Variants in DLC1 observed in about 807,000 individuals in gnomAD.
DLC1 encodes rho GTPase-activating protein 7.
In DLC1, 54 loss-of-function variants were observed where a neutral mutation model predicts 140.3. The observed-to-expected ratio is 0.38, with a 90% CI of 0.31 to 0.48. DLC1 has a LOEUF of 0.48. Among genes scored for constraint, DLC1 ranks in the 20% least tolerant of loss-of-function variants. The probability of loss-of-function intolerance (pLI) is 0.96; values close to 1 mark genes in which losing one functional copy is unlikely to be tolerated. For missense variants in DLC1, 2,536 were observed against 1,907.0 expected, an observed-to-expected ratio of 1.33 and a Z score of -6.14; for synonymous variants, 986 against 728.1, an observed-to-expected ratio of 1.35 and a Z score of -5.70.
rs546715268 is a variant in DLC1, at chr8:13,090,716, G to T, written c.3856-246C>A. On this transcript the variant is annotated intron_variant, in intron 14 of 17. Transcript: ENST00000276297. ...TCTTTGGAAAGTTAGAGTAGGGGGA[G>T]TGAATTACATTGGTCAAAGCAGGTT... Among the ~76,000 whole-genome samples the T allele has an allele frequency of 2.6e-5, 4 of 152,276 alleles. No homozygotes were observed. The South Asian group carries it at 8.3e-4, about 32-fold the overall frequency.
chr8:13,092,594 C>G lies in DLC1; in HGVS notation c.3740+18G>C. On this transcript the variant is annotated intron_variant, in intron 13 of 17. Coordinates refer to ENST00000276297, the MANE Select transcript of DLC1 (RefSeq NM_182643.3). ...TAGGCTGCCCCCTGTGTGCATGCAC[C>G]TCCCATGCAGCCCGTACCTGGGAGA... 6.2e-7 allele frequency: 1 copy of G among 1,612,072 alleles called. No individual in the cohort carries two copies. The highest frequency in any genetic ancestry group is 1.7e-5 in the Admixed American group (1 of 59,854).
At chr8:13,592,596 C>A (rs374538569) in intron 1 of DLC1, among the ~76,000 whole-genome samples, 1 of 151,984 alleles carries the variant, frequency 6.6e-6, no homozygotes, top group African/African-American at 2.4e-5. Flanking sequence ...GGTGACTGAG[C>A]AGCCATTTGT....
At chr8:13,427,760 G>T (rs2117377536) in intron 2 of DLC1, among the ~76,000 whole-genome samples, 1 of 152,296 alleles carries the variant, frequency 6.6e-6, no homozygotes, top group African/African-American at 2.4e-5. Context: ...AGGTCCTTGA[G>T]ATTAAAAAAT....
At chr8:13,411,047 G>T (rs556043984) in intron 2 of DLC1, among the ~76,000 whole-genome samples, 33 of 152,260 alleles carry the variant, frequency 2.2e-4, no homozygotes, top group African/African-American at 7.5e-4. Flanking sequence ...ATATTATCCA[G>T]CAGTCATACC....
intron 5 of DLC1, among the ~76,000 whole-genome samples, chr8:13,222,647 C>T (rs905266526): frequency 6.6e-6 from 1 of 152,164 alleles, no homozygotes; most frequent in Non-Finnish European, 1.5e-5. Context: ...TGCTTATTTT[C>T]ATGTGATACT....
chr8:13,154,586 C>T (rs1044704113), intron 5 of DLC1, among the ~76,000 whole-genome samples: 2 of 152,206 alleles, frequency 1.3e-5, no homozygotes, highest in African/African-American at 2.4e-5. Flanking sequence ...TCTCCCTCCA[C>T]ACCTCCCGGC....
intron 5 of DLC1, among the ~76,000 whole-genome samples, chr8:13,291,479 A>T (rs903612894): frequency 2.0e-5 from 3 of 152,200 alleles, no homozygotes; most frequent in Non-Finnish European, 4.4e-5. Flanking sequence ...GAATGGGAAG[A>T]GAAAGACCAA....
chr8:13,376,055 G>T (rs1208963844), intron 4 of DLC1, among the ~76,000 whole-genome samples: 1 of 152,030 alleles, frequency 6.6e-6, no homozygotes, highest in Non-Finnish European at 1.5e-5. Flanking sequence ...ACTTTTCCAA[G>T]AAAAAGCACC....
intron 15 of DLC1, 100 bp from the exon 16 acceptor site, chr8:13,088,804 T>A: frequency 1.1e-6 from 1 of 900,126 alleles, no homozygotes; most frequent in Non-Finnish European, 1.7e-6. Flanking sequence ...TTACATATAA[T>A]CAACGTTAAT....
At chr8:13,241,772 G>T (rs970876359) in intron 5 of DLC1, among the ~76,000 whole-genome samples, 3 of 152,150 alleles carry the variant, frequency 2.0e-5, no homozygotes, top group African/African-American at 7.2e-5. Context: ...TAGGACACAA[G>T]AGGCATTAAC....
intron 4 of DLC1, among the ~76,000 whole-genome samples, chr8:13,351,539 A>C (rs935161874): frequency 6.6e-6 from 1 of 152,216 alleles, no homozygotes; most frequent in African/African-American, 2.4e-5. Context: ...ATATATTGTG[A>C]CCCATAAAAA....
chr8:13,470,256 T>C (rs962726402), intron 2 of DLC1, among the ~76,000 whole-genome samples: 1 of 152,228 alleles, frequency 6.6e-6, no homozygotes, highest in Admixed American at 6.5e-5. Context: ...ATTTTTATCT[T>C]TTAAGCACAA....
At chr8:13,104,946 T>G (rs1819433299) in intron 7 of DLC1, among the ~76,000 whole-genome samples, 1 of 152,178 alleles carries the variant, frequency 6.6e-6, no homozygotes, top group African/African-American at 2.4e-5. Context: ...ACACCCACAG[T>G]GTTTTAGTTC....
chr8:13,453,387 G>GATATATATATATATGTGTATAT lies in DLC1; in HGVS notation c.1023+45640_1023+45661dup, dbSNP rs1437826972. 1.2e-3 allele frequency among the ~76,000 whole-genome samples: 62 copies of GATATATATATATATGTGTATAT among 52,432 alleles called. 1 individual carries two copies. The highest frequency in any genetic ancestry group is 0.014 in the Middle Eastern group (1 of 74). 34.4% of individuals were successfully genotyped at this position (52,432 alleles called of 152,430 possible). A position where few individuals can be genotyped will look rare whatever the true frequency, so the allele number is the denominator to read the frequency against. ...TTACTAAAAGAATAAGATGGCCCAGGATATATATATATATGTGTATATATA... is the reference window on the plus strand; with the variant it reads ...TTACTAAAAGAATAAGATGGCCCAGGATATATATATATATGTGTATATATATATATATATATGTGTATATATA... On this transcript the variant is annotated intron_variant, in intron 2 of 17. Coordinates refer to ENST00000276297, the MANE Select transcript of DLC1 (RefSeq NM_182643.3).
At chr8:13,237,197 A>ATATATATGTG (rs1554478020) in intron 5 of DLC1, among the ~76,000 whole-genome samples, 12 of 138,212 alleles carry the variant, frequency 8.7e-5, no homozygotes, top group African/African-American at 3.0e-4. Context: ...ATATATATAT[A>ATATATATGTG]TGTGTGTGTG....
intron 5 of DLC1, among the ~76,000 whole-genome samples, chr8:13,272,578 C>T (rs1192697396): frequency 1.3e-5 from 2 of 152,050 alleles, no homozygotes; most frequent in Admixed American, 6.5e-5. Flanking sequence ...TAGCTTTTAA[C>T]TGGCTGGGTG....
At chr8:13,555,307 T>G (rs1804003624) in intron 1 of DLC1, among the ~76,000 whole-genome samples, 1 of 152,122 alleles carries the variant, frequency 6.6e-6, no homozygotes, top group Admixed American at 6.5e-5. Flanking sequence ...ATAACCTCCA[T>G]GAGGACAGCC....
chr8:13,370,267 A>ATTATTT, intron 4 of DLC1, among the ~76,000 whole-genome samples: 1 of 152,226 alleles, frequency 6.6e-6, no homozygotes, highest in South Asian at 2.1e-4. Context: ...AAGCTCTAAC[A>ATTATTT]AAACAGGGAT....
Position 13,312,379 on chromosome 8 carries a change from A to AT in DLC1, c.1315-7078_1315-7077insA, listed in dbSNP as rs1161757138. On this transcript the variant is annotated intron_variant, in intron 4 of 17. Coordinates refer to ENST00000276297, the MANE Select transcript of DLC1 (RefSeq NM_182643.3). ...CCGTCTCAAAAAAAAAAAAAAAAAA[A>AT]AAAAAAAAATAATTTCTTTAGCAAG... Among the ~76,000 whole-genome samples the AT allele has an allele frequency of 1.2e-4, 14 of 118,500 alleles. 1 individual carries two copies. The highest frequency in any genetic ancestry group is 4.3e-4 in the African/African-American group (13 of 30,460). The allele number at this position is 118,500 out of a possible 152,430, so 77.7% of individuals were successfully genotyped here. A position where few individuals can be genotyped will look rare whatever the true frequency, so the allele number is the denominator to read the frequency against.
Sources: gnomAD v4.1 joint callset for allele counts (sites outside exome capture counted in the v4.1 genomes callset) on GRCh38, gnomAD v4.1.1 for gene constraint, MANE v1.5 for transcripts, NCBI Gene and HGNC (gene_info 2026-07-23, HGNC 2026-07-21) for gene names.